The following RAPGEF2 variants were observed in gnomAD, a reference collection of about 807,000 sequenced individuals.
RAPGEF2 encodes Rap guanine nucleotide exchange factor 2, also known as PDZ domain containing guanine nucleotide exchange factor (GEF) 1.
In RAPGEF2, 54 loss-of-function variants were observed where a neutral mutation model predicts 186.7. That is an observed-to-expected ratio of 0.29 (90% CI 0.23 to 0.36). The LOEUF is 0.36. Ranked by LOEUF, RAPGEF2 falls within the 10% of genes least tolerant of loss-of-function variation. The pLI is 1.00. For synonymous variants in RAPGEF2, 712 were observed against 705.9 expected (o/e 1.01, Z -0.14); for missense variants, 1,532 against 2,045.0 (o/e 0.75, Z 4.84).
chr4:159,200,503 G>T (rs1749289814), intron 3 of RAPGEF2, among the ~76,000 whole-genome samples: 1 of 151,938 alleles, frequency 6.6e-6, no homozygotes, highest in African/African-American at 2.4e-5. Context: ...TGAAAAAAAT[G>T]ATAACATTAA....
At chr4:159,187,715 TTAAGTGGGA>T (rs1747700517) in intron 2 of RAPGEF2, among the ~76,000 whole-genome samples, 1 of 152,206 alleles carries the variant, frequency 6.6e-6, no homozygotes, top group East Asian at 1.9e-4. Context: ...TGATTTTACC[TTAAGTGGGA>T]TATAAAATAA....
intron 1 of RAPGEF2, among the ~76,000 whole-genome samples, chr4:159,159,428 T>G (rs1744466940): frequency 1.4e-5 from 2 of 146,204 alleles, no homozygotes; most frequent in African/African-American, 5.1e-5. Flanking sequence ...TGTAGTGTTG[T>G]TCCAAGAAAA....
intron 8 of RAPGEF2, among the ~76,000 whole-genome samples, chr4:159,311,018 G>T (rs1002449270): frequency 6.6e-6 from 1 of 151,682 alleles, no homozygotes; most frequent in African/African-American, 2.4e-5. Flanking sequence ...TGAGAATGTC[G>T]AGCAAAGTGC....
intron 1 of RAPGEF2, among the ~76,000 whole-genome samples, chr4:159,166,372 G>A (rs1217104941): frequency 6.6e-6 from 1 of 152,172 alleles, no homozygotes; most frequent in Non-Finnish European, 1.5e-5. Context: ...AAACCCTCAG[G>A]GCTCTGGCAA....
At chr4:159,199,496 A>G (rs895864945) in intron 3 of RAPGEF2, among the ~76,000 whole-genome samples, 1 of 151,978 alleles carries the variant, frequency 6.6e-6, no homozygotes, top group African/African-American at 2.4e-5. Flanking sequence ...TCTCTATTCA[A>G]AAGAAGGAAC....
chr4:159,111,173 GT>G (rs1181195958), intron 1 of RAPGEF2, among the ~76,000 whole-genome samples: 1 of 152,120 alleles, frequency 6.6e-6, no homozygotes, highest in African/African-American at 2.4e-5. Flanking sequence ...GGGTTTATTG[GT>G]TTTTGTGGAG....
intron 7 of RAPGEF2, among the ~76,000 whole-genome samples, chr4:159,256,909 T>A (rs1190436386): frequency 6.6e-6 from 1 of 152,146 alleles, no homozygotes; most frequent in Non-Finnish European, 1.5e-5. Context: ...TCTTGTAAAT[T>A]TTTTTTGTTT....
chr4:159,170,488 A>G lies in RAPGEF2; in HGVS notation c.70-16154A>G, dbSNP rs148571611. 2.0e-5 allele frequency among the ~76,000 whole-genome samples: 3 copies of G among 152,334 alleles called. No individual in the cohort carries two copies. The East Asian group carries it at 5.8e-4, about 29-fold the overall frequency. ...AACACCAACTATTCACATAGTATTT[A>G]CATGGCATTAGATACGATAAGTAAT... is the stretch of plus-strand genomic sequence containing the variant. On this transcript the variant is annotated intron_variant, in intron 1 of 29. Coordinates refer to ENST00000691494, the MANE Select transcript of RAPGEF2 (RefSeq NM_001394067.2).
At chr4:159,149,988 T>G (rs1743358805) in intron 1 of RAPGEF2, among the ~76,000 whole-genome samples, 1 of 146,910 alleles carries the variant, frequency 6.8e-6, no homozygotes, top group Admixed American at 6.9e-5. Flanking sequence ...CCCTGTAATC[T>G]AAGTTGTTTT....
In RAPGEF2 at chr4:159,343,348, TCA is replaced by T; in HGVS notation, c.3200_3201del (p.His1067ArgfsTer32). ...TAAGGATGATTGCAAAAGAAATTCG[TCA>T]CGTTGGCCGAATGGCTTCAGTGAAC... ...KLRMIAKEIR[H>X]VGRMASVNMD... On this transcript the variant is annotated frameshift_variant, in exon 22 of 30. Transcript: ENST00000691494. LOFTEE classifies it high-confidence loss of function. 6.2e-7 allele frequency: 1 copy of T among 1,614,106 alleles called. No individual in the cohort carries two copies. Among genetic ancestry groups the T allele is most frequent in the Non-Finnish European group, 8.5e-7 (1 of 1,179,958 alleles).
intron 1 of RAPGEF2, among the ~76,000 whole-genome samples, chr4:159,135,722 C>T (rs924149726): frequency 2.6e-5 from 4 of 152,132 alleles, no homozygotes; most frequent in African/African-American, 7.2e-5. Context: ...GCCTCAGCCT[C>T]CTGAGTAGCT....
At chr4:159,315,442 C>T (rs1397020026) in intron 9 of RAPGEF2, among the ~76,000 whole-genome samples, 2 of 152,104 alleles carry the variant, frequency 1.3e-5, no homozygotes, top group Non-Finnish European at 1.5e-5. Context: ...ACCAGCCCCA[C>T]AGGGTCGGTG....
At chr4:159,313,281 AT>A (rs1333506510) in intron 8 of RAPGEF2, among the ~76,000 whole-genome samples, 3 of 152,268 alleles carry the variant, frequency 2.0e-5, no homozygotes, top group Non-Finnish European at 4.4e-5. Flanking sequence ...GACAGATTAG[AT>A]TGCGATTAAG....
intron 5 of RAPGEF2, among the ~76,000 whole-genome samples, chr4:159,240,818 T>C (rs941500459): frequency 3.3e-5 from 5 of 150,698 alleles, no homozygotes; most frequent in African/African-American, 1.2e-4. Context: ...TTTTTTTTTT[T>C]TTTTTTTTCT....
Position 159,358,134 on chromosome 4 carries a change from GT to G in RAPGEF2, c.4981del (p.Ter1661GlufsTer13). 6.2e-7 allele frequency: 1 copy of G among 1,611,904 alleles called. No homozygotes were observed. The highest frequency in any genetic ancestry group is 8.5e-7 in the Non-Finnish European group (1 of 1,179,102). ...TGCAGAAGATGAACAAGTTTCTGCT[GT>G]TTGAGGCACAGACTTTTCTGGAAGC... ...EEDEDEQVSA[V>X] On this transcript the variant is annotated frameshift_variant, in exon 30 of 30. Transcript: ENST00000691494. LOFTEE classifies it high-confidence loss of function.
At chr4:159,337,762 C>T (rs925688969) in intron 17 of RAPGEF2, among the ~76,000 whole-genome samples, 16 of 151,138 alleles carry the variant, frequency 1.1e-4, no homozygotes, top group African/African-American at 3.4e-4. Flanking sequence ...TGGTGGCGGA[C>T]GCCTGTAGTC....
chr4:159,116,258 A>G (rs1232212358), intron 1 of RAPGEF2, among the ~76,000 whole-genome samples: 3 of 152,226 alleles, frequency 2.0e-5, no homozygotes, highest in Non-Finnish European at 4.4e-5. Flanking sequence ...CAATCCCTTC[A>G]AAAAGTGGGC....
chr4:159,273,670 CT>C (rs1758450667), intron 7 of RAPGEF2, among the ~76,000 whole-genome samples: 2 of 148,570 alleles, frequency 1.3e-5, no homozygotes, highest in African/African-American at 2.5e-5. Flanking sequence ...TTCTTTCTTT[CT>C]TTCTTTCTTT....
At chr4:159,171,745 G>T (rs1745929494) in intron 1 of RAPGEF2, among the ~76,000 whole-genome samples, 1 of 151,784 alleles carries the variant, frequency 6.6e-6, no homozygotes, top group Non-Finnish European at 1.5e-5. Context: ...CTTTTTTCTG[G>T]AAAGTTTTCA....
Sources: gnomAD v4.1 joint callset for allele counts (sites outside exome capture counted in the v4.1 genomes callset) on GRCh38, gnomAD v4.1.1 for gene constraint, MANE v1.5 for transcripts, NCBI Gene and HGNC (gene_info 2026-07-23, HGNC 2026-07-21) for gene names.